Variants in RBFOX3 observed in about 807,000 individuals in gnomAD.
RBFOX3 encodes RNA binding protein fox-1 homolog 3.
In RBFOX3, 17 loss-of-function variants were observed where a neutral mutation model predicts 48.7. That is an observed-to-expected ratio of 0.35 (90% CI 0.24 to 0.52). RBFOX3 has a LOEUF of 0.52. Ranked by LOEUF, RBFOX3 falls within the 20% of genes least tolerant of loss-of-function variation. The pLI is 0.94. For missense variants in RBFOX3, 382 were observed against 497.5 expected (o/e 0.77, Z 2.21); for synonymous variants, 212 against 209.5 (o/e 1.01, Z -0.10).
At chr17:79,387,173 T>C (rs550538223) in intron 2 of RBFOX3, among the ~76,000 whole-genome samples, 2 of 152,080 alleles carry the variant, frequency 1.3e-5, no homozygotes, top group Non-Finnish European at 2.9e-5. Flanking sequence ...AAGCATGGGG[T>C]CTGGCCACAC....
At position 79,445,943 on chromosome 17, in the gene RBFOX3, C is replaced by A. The variant is rs909536791; in HGVS notation, c.-175+36511G>T. Among the ~76,000 whole-genome samples, 3 of 152,228 alleles carry A rather than the reference C, an allele frequency of 2.0e-5. No individual in the cohort carries two copies. In the South Asian group the frequency reaches 6.2e-4, roughly 32 times the overall value. ...GGGGCCATTTGGTGGTGCCTGCAGA[C>A]ATTTCCAGTTGTCACAGCTGTGGCT... is the stretch of plus-strand genomic sequence containing the variant. On this transcript the variant is annotated intron_variant, in intron 2 of 14. Coordinates refer to ENST00000693108, the MANE Select transcript of RBFOX3 (RefSeq NM_001350451.2).
At chr17:79,624,736 C>A in the RBFOX3 span, among the ~76,000 whole-genome samples, 4,141 of 152,198 alleles carry the variant, frequency 0.027, 193 homozygotes, top group African/African-American at 0.095. Context: ...TCACAGGCAG[C>A]CCTTGGAGCC....
chr17:79,295,508 G>C (rs1233349397), intron 3 of RBFOX3, among the ~76,000 whole-genome samples: 2 of 152,236 alleles, frequency 1.3e-5, no homozygotes, highest in East Asian at 3.9e-4. Context: ...GCTCAGGGAA[G>C]GGCAGGGGCT....
At chr17:79,300,722 C>T (rs1377281356) in intron 3 of RBFOX3, among the ~76,000 whole-genome samples, 1 of 152,148 alleles carries the variant, frequency 6.6e-6, no homozygotes, top group Non-Finnish European at 1.5e-5. Context: ...CCCAGGGGAT[C>T]TAGTTTCCAA....
chr17:79,331,500 C>T (rs1421386950), intron 2 of RBFOX3, among the ~76,000 whole-genome samples: 1 of 152,208 alleles, frequency 6.6e-6, no homozygotes, highest in Non-Finnish European at 1.5e-5. Flanking sequence ...ATTCCAGAGG[C>T]CTCTGCCCCC....
chr17:79,622,845 C>T, the RBFOX3 span, among the ~76,000 whole-genome samples: 197 of 152,298 alleles, frequency 1.3e-3, no homozygotes, highest in Non-Finnish European at 2.2e-3. Context: ...GTTTCTTCTA[C>T]TAATGTCTTT....
At chr17:79,175,716 C>T (rs1044489152) in intron 4 of RBFOX3, among the ~76,000 whole-genome samples, 3 of 152,232 alleles carry the variant, frequency 2.0e-5, no homozygotes, top group African/African-American at 2.4e-5. Flanking sequence ...CCCGAGTTGC[C>T]GGCTCTTGGG....
chr17:79,340,419 C>T (rs1256968242), intron 2 of RBFOX3, among the ~76,000 whole-genome samples: 2 of 152,196 alleles, frequency 1.3e-5, no homozygotes, highest in Non-Finnish European at 2.9e-5. Context: ...AGCTTCTATT[C>T]GTTCTTCCCC....
intron 2 of RBFOX3, among the ~76,000 whole-genome samples, chr17:79,381,688 G>A (rs2059949910): frequency 6.6e-6 from 1 of 152,222 alleles, no homozygotes; most frequent in Admixed American, 6.5e-5. Flanking sequence ...CAGAGTTGGG[G>A]GCAGGACTCT....
intron 2 of RBFOX3, among the ~76,000 whole-genome samples, chr17:79,357,721 C>T (rs1403264202): frequency 1.9e-5 from 2 of 106,388 alleles, no homozygotes; most frequent in South Asian, 2.9e-4. Context: ...CGCAGGGGGG[C>T]GGTATAGGGG....
the RBFOX3 span, among the ~76,000 whole-genome samples, chr17:79,621,251 G>T: frequency 6.6e-6 from 1 of 151,842 alleles, no homozygotes; most frequent in Non-Finnish European, 1.5e-5. Context: ...CGCCCGCCTC[G>T]GCCTCCCAAA....
rs2149486191 is a variant in RBFOX3, at chr17:79,481,696, A to T, written c.-175+758T>A. Among the ~76,000 whole-genome samples the T allele has an allele frequency of 6.6e-6, 1 of 152,278 alleles. No individual in the cohort carries two copies. The highest frequency in any genetic ancestry group is 1.9e-4 in the East Asian group (1 of 5,178). On this transcript the variant is annotated intron_variant, in intron 2 of 14. Coordinates refer to ENST00000693108, the MANE Select transcript of RBFOX3 (RefSeq NM_001350451.2). This position sits in a 1 kb window ranked among gnomAD's most constrained non-coding sequence, Gnocchi z 5.4. ...CAGCAGGGTGGTGCATCCTAACACC[A>T]TGGGGAATGGGTGTGGATGCTCCGA... is the stretch of plus-strand genomic sequence containing the variant.
chr17:79,522,973 C>T (rs1213367364), intron 1 of RBFOX3, among the ~76,000 whole-genome samples: 12 of 148,240 alleles, frequency 8.1e-5, no homozygotes, highest in Middle Eastern at 3.2e-3. Context: ...GAAGCTCTGA[C>T]GCAGGCCAGA....
chr17:79,551,221 A>C (rs1437853474), intron 1 of RBFOX3, among the ~76,000 whole-genome samples: 2 of 152,126 alleles, frequency 1.3e-5, no homozygotes, highest in African/African-American at 4.8e-5. Flanking sequence ...TGACACCAAC[A>C]TGAGCAGGGC....
chr17:79,403,861 G>A (rs1402742497), intron 2 of RBFOX3, among the ~76,000 whole-genome samples: 1 of 145,460 alleles, frequency 6.9e-6, no homozygotes, highest in South Asian at 2.2e-4. Flanking sequence ...CTCACTGCAA[G>A]CTCCACCTCC....
chr17:79,600,947 T>C, intron 1 of RBFOX3: 1 of 148,864 alleles, frequency 6.7e-6, no homozygotes, highest in Non-Finnish European at 1.5e-5. Flanking sequence ...AGGAGGGGAG[T>C]GAGGAAGGGG....
At chr17:79,658,414 C>T in the RBFOX3 span, among the ~76,000 whole-genome samples, 49 of 138,756 alleles carry the variant, frequency 3.5e-4, 1 homozygote, top group African/African-American at 1.3e-3. Flanking sequence ...TCTCTCCCGC[C>T]ATCTCTCTCC....
At chr17:79,344,264 C>T (rs2146767287) in intron 2 of RBFOX3, among the ~76,000 whole-genome samples, 1 of 152,200 alleles carries the variant, frequency 6.6e-6, no homozygotes, top group Admixed American at 6.5e-5. Flanking sequence ...AAAAAAATTC[C>T]TTGATTTGGG....
chr17:79,092,101 C>T lies in RBFOX3; in HGVS notation c.1078-1216G>A, dbSNP rs371193422. On this transcript the variant is annotated intron_variant, in intron 14 of 14. Transcript: ENST00000693108. ...GGTGCCTGGAGCCCCTCCCTCCCTG[C>T]GTCAGGGTGCTGGACACTAGGGCCA... 1.1e-5 allele frequency: 11 copies of T among 985,360 alleles called. No homozygotes were observed. The South Asian group carries it at 1.4e-4, about 13-fold the overall frequency. The allele number at this position is 985,360 out of a possible 1,614,324, so 61.0% of individuals were successfully genotyped here.
Sources: gnomAD v4.1 joint callset for allele counts (sites outside exome capture counted in the v4.1 genomes callset) on GRCh38, gnomAD v4.1.1 for gene constraint, Gnocchi (gnomAD v3.1) non-coding constraint, MANE v1.5 for transcripts, NCBI Gene and HGNC (gene_info 2026-07-23, HGNC 2026-07-21) for gene names.